Variants in NPIPB11 observed in about 807,000 individuals in gnomAD.
NPIPB11 encodes nuclear pore complex-interacting protein family member B11.
NPIPB11 carries 17 observed loss-of-function variants against 32.8 expected under a neutral mutation model. The ratio of observed to expected loss-of-function variants is 0.52; its 90% CI spans 0.35 to 0.78. The LOEUF is 0.78. NPIPB11 is among the 30% of genes least tolerant of loss of function. The pLI, the probability that NPIPB11 is intolerant of heterozygous loss-of-function variation, is 0.01. For missense variants in NPIPB11, 537 were observed against 1,000.4 expected (o/e 0.54, Z 6.25); for synonymous variants, 209 against 398.4 (o/e 0.52, Z 5.66).
intron 2 of NPIPB11, among the ~76,000 whole-genome samples, chr16:29,401,708 T>C (rs4017126): frequency 5.3e-5 from 8 of 152,108 alleles, no homozygotes; most frequent in African/African-American, 9.7e-5. Context: ...GGAAGTGAAG[T>C]GTGTCACCTC....
rs772615935 is a variant in NPIPB11 at position 29,383,817 on chromosome 16, G to T, written c.1115C>A (p.Thr372Lys). Residue 372 changes from threonine (T) to lysine (K), a missense_variant, in exon 8 of 8, where the codon ACA becomes AAA. Thr to Lys is a moderately conservative substitution (Grantham distance 78). Transcript: ENST00000524087. ...CGGCCCCCGCAGACGCTCGGCAGTT[G>T]TCTTGATATTATCATCTGCTGAGGG... The T allele has an allele frequency of 2.4e-6, 3 of 1,254,446 alleles. No individual in the cohort carries two copies. In the East Asian group the frequency reaches 7.4e-5, roughly 31 times the overall value. The allele number at this position is 1,254,446 out of a possible 1,614,324, so 77.7% of individuals were successfully genotyped here.
At chr16:29,395,926 C>T (rs1370860922) in intron 2 of NPIPB11, among the ~76,000 whole-genome samples, 8 of 150,176 alleles carry the variant, frequency 5.3e-5, no homozygotes, top group South Asian at 2.1e-4. Flanking sequence ...TGCAGTGAGC[C>T]GAGATTGCAC....
chr16:29,399,116 A>G (rs1255187938), intron 2 of NPIPB11, among the ~76,000 whole-genome samples: 1 of 151,392 alleles, frequency 6.6e-6, no homozygotes, highest in Non-Finnish European at 1.5e-5. Flanking sequence ...GGGGAGCTCC[A>G]AGCAGGTGGG....
At position 29,390,243 on chromosome 16, in the gene NPIPB11, C is replaced by A; in HGVS notation, c.349+6G>T. The stretch of plus-strand genomic sequence containing the variant: ...CCACACTATGCGGATTCCAACAGAG[C>A]CATACCTTCCTGTCTACGGCGGTTG... On this transcript the variant is annotated splice_donor_region_variant and intron_variant, in intron 4 of 7. Coordinates refer to ENST00000524087, the Ensembl canonical transcript of NPIPB11. 4 of 1,588,518 alleles carry A rather than the reference C, an allele frequency of 2.5e-6. No individual in the cohort carries two copies. The highest frequency in any genetic ancestry group is 3.4e-6 in the Non-Finnish European group (4 of 1,173,348).
chr16:29,387,622 TC>T (rs1963613011), intron 5 of NPIPB11, among the ~76,000 whole-genome samples: 1 of 74,592 alleles, frequency 1.3e-5, no homozygotes, highest in African/African-American at 4.8e-5. Flanking sequence ...TCGGAATGGC[TC>T]CTAAGTCAGG....
chr16:29,397,371 T>A (rs1203215992), intron 2 of NPIPB11, among the ~76,000 whole-genome samples: 1 of 151,236 alleles, frequency 6.6e-6, no homozygotes. Context: ...CAGGCCCGAC[T>A]AATCTTTTTT....
At chr16:29,393,990 T>C (rs1963785435) in exon 3 of NPIPB11, 5 of 1,599,462 alleles carry the variant, frequency 3.1e-6, no homozygotes, top group East Asian at 2.2e-5. Context: ...CTTTATAACT[T>C]GTCGGAAACG....
At chr16:29,394,279 C>T (rs976612748) in intron 2 of NPIPB11, among the ~76,000 whole-genome samples, 14 of 152,202 alleles carry the variant, frequency 9.2e-5, no homozygotes, top group East Asian at 5.8e-4. Context: ...TTTTCAGGCA[C>T]TGCAAATGTG....
At chr16:29,397,097 G>A (rs1306575965) in intron 2 of NPIPB11, among the ~76,000 whole-genome samples, 86 of 149,432 alleles carry the variant, frequency 5.8e-4, no homozygotes, top group African/African-American at 1.5e-3. Context: ...CTTGAACCCC[G>A]GAAGCGGAGG....
Sources: gnomAD v4.1 joint callset for allele counts (sites outside exome capture counted in the v4.1 genomes callset) on GRCh38, gnomAD v4.1.1 for gene constraint, MANE v1.5 for transcripts, NCBI Gene and HGNC (gene_info 2026-07-23, HGNC 2026-07-21) for gene names.